The following TBX18 variants were observed in gnomAD, a reference collection of about 807,000 sequenced individuals.
The protein encoded by TBX18 is T-box transcription factor 18.
In TBX18, 21 loss-of-function variants were observed where a neutral mutation model predicts 55.0. The ratio of observed to expected loss-of-function variants is 0.38; its 90% CI spans 0.27 to 0.55. The LOEUF (loss-of-function observed/expected upper bound fraction) is 0.55. Ranked by LOEUF, TBX18 falls within the 20% of genes least tolerant of loss-of-function variation. TBX18 has a pLI of 0.73. For missense variants in TBX18, 840 were observed against 799.6 expected (o/e 1.05, Z -0.61); for synonymous variants, 342 against 326.1 (o/e 1.05, Z -0.53).
Position 84,736,497 on chromosome 6 carries a change from T to C in TBX18, c.*188A>G. ...CGTGATACTCCATGTGCTATGTATA[T>C]ACAGCATACATATATACCATAGATA... is the stretch of plus-strand genomic sequence containing the variant. On this transcript the variant is annotated 3_prime_UTR_variant, in exon 8 of 8. Transcript: ENST00000369663. 3.6e-6 allele frequency: 2 copies of C among 550,208 alleles called. No individual in the cohort carries two copies. Among genetic ancestry groups the C allele is most frequent in the Non-Finnish European group, 2.9e-6 (1 of 344,176 alleles). The allele number at this position is 550,208 out of a possible 1,614,324, so 34.1% of individuals were successfully genotyped here. A position where few individuals can be genotyped will look rare whatever the true frequency, so the allele number is the denominator to read the frequency against.
chr6:84,737,877 T>G (rs1054134429), intron 7 of TBX18, among the ~76,000 whole-genome samples: 4 of 152,164 alleles, frequency 2.6e-5, no homozygotes, highest in Non-Finnish European at 4.4e-5. Flanking sequence ...AATAATTATC[T>G]GAAACCCAGC....
Position 84,760,347 on chromosome 6 carries a change from A to T in TBX18, c.507T>A (p.Phe169Leu). The T allele has an allele frequency of 6.2e-7, 1 of 1,600,314 alleles. No individual in the cohort carries two copies. The highest frequency in any genetic ancestry group is 8.5e-7 in the Non-Finnish European group (1 of 1,171,960). Residue 169 changes from phenylalanine (F) to leucine (L), a missense_variant, in exon 3 of 8, where the codon TTT becomes TTA. By Grantham distance (22) the Phe-to-Leu change is conservative. Coordinates refer to ENST00000369663, the MANE Select transcript of TBX18 (RefSeq NM_001080508.3). ...CAGAGATCTTCACTCTCATTGCTGGAAACATGCGCCTATTTAAAAAGGCGA... is the reference window on the plus strand; with the variant it reads ...CAGAGATCTTCACTCTCATTGCTGGTAACATGCGCCTATTTAAAAAGGCGA... ...MIITKAGRRM[F>L]PAMRVKISGL...
chr6:84,756,561 T>C, intron 4 of TBX18, 137 bp downstream of exon 4: 1 of 796,288 alleles, frequency 1.3e-6, no homozygotes, highest in Non-Finnish European at 1.9e-6. Flanking sequence ...ATAAACTTGA[T>C]TCTGCAAAGA....
chr6:84,760,326 G>A lies in TBX18; in HGVS notation c.528C>T (p.Ile176=), dbSNP rs1471932341. The change falls in exon 3 of 8, where the codon ATC becomes ATT. Residue 176 remains isoleucine (I), a synonymous_variant. Coordinates refer to ENST00000369663, the MANE Select transcript of TBX18 (RefSeq NM_001080508.3). ...RRMFPAMRVK[I]SGLDPHQQYY... ...ATTGCTGGTGAGGATCTAATCCAGA[G>A]ATCTTCACTCTCATTGCTGGAAACA... The A allele has an allele frequency of 1.9e-6, 3 of 1,605,984 alleles. No homozygotes were observed. The highest frequency in any genetic ancestry group is 1.7e-5 in the Admixed American group (1 of 59,378).
intron 4 of TBX18, among the ~76,000 whole-genome samples, chr6:84,753,816 T>C (rs1767415800): frequency 6.6e-6 from 1 of 152,238 alleles, no homozygotes; most frequent in Non-Finnish European, 1.5e-5. Flanking sequence ...TGGAATACGG[T>C]GACACTGGCA....
intron 4 of TBX18, among the ~76,000 whole-genome samples, chr6:84,756,473 A>G (rs1267626411): frequency 6.6e-6 from 1 of 152,246 alleles, no homozygotes; most frequent in Non-Finnish European, 1.5e-5. Flanking sequence ...TTTCAGTCCA[A>G]TAAAAATGCA....
intron 2 of TBX18, among the ~76,000 whole-genome samples, 170 bp downstream of exon 2, chr6:84,762,374 G>A (rs1452961892): frequency 6.6e-6 from 1 of 152,208 alleles, no homozygotes; most frequent in African/African-American, 2.4e-5. Context: ...GTGGTGGGTA[G>A]CCAAAGCTAG....
intron 5 of TBX18, among the ~76,000 whole-genome samples, chr6:84,746,453 T>C (rs946743609): frequency 6.8e-6 from 1 of 147,100 alleles, no homozygotes; most frequent in Non-Finnish European, 1.5e-5. Flanking sequence ...TAATATTTCG[T>C]ATATTATATA....
intron 7 of TBX18, among the ~76,000 whole-genome samples, chr6:84,737,676 C>A (rs1394139839): frequency 2.6e-5 from 4 of 152,158 alleles, no homozygotes; most frequent in Admixed American, 2.6e-4. Flanking sequence ...GGGTAGTTAA[C>A]CCTGTGTCCA....
chr6:84,760,167 A>C, intron 3 of TBX18, 88 bp downstream of exon 3: 1 of 745,970 alleles, frequency 1.3e-6, no homozygotes, highest in Non-Finnish European at 1.9e-6. Flanking sequence ...CTGGAAGCAA[A>C]GATCACAGTC....
chr6:84,733,453 G>C lies in TBX18; in HGVS notation c.*3232C>G, dbSNP rs1313845527. On this transcript the variant is annotated 3_prime_UTR_variant, in exon 8 of 8. Coordinates refer to ENST00000369663, the MANE Select transcript of TBX18 (RefSeq NM_001080508.3). Reference sequence around the variant, plus strand: ...ATTTCTCATGAGGAAATAACACTGTGTTACACTTTGCAACAAAGGAATCTT... The same window carrying C: ...ATTTCTCATGAGGAAATAACACTGTCTTACACTTTGCAACAAAGGAATCTT... 1 of 152,168 alleles carries C rather than the reference G, an allele frequency of 6.6e-6. No homozygotes were observed. The highest frequency in any genetic ancestry group is 1.5e-5 in the Non-Finnish European group (1 of 68,038). The allele number at this position is 152,168 out of a possible 1,614,324, so 9.4% of individuals were successfully genotyped here.
rs1773928387 is a variant in TBX18 at position 84,735,998 on chromosome 6, T to C, written c.*687A>G. ...TCTCTACAGATGAATAAGAACCTCT[T>C]ATGTGCCCAATGGAAAGTGTAAAAA... On this transcript the variant is annotated 3_prime_UTR_variant, in exon 8 of 8. Coordinates refer to ENST00000369663, the MANE Select transcript of TBX18 (RefSeq NM_001080508.3). 2 of 152,162 alleles carry C rather than the reference T, an allele frequency of 1.3e-5. No individual in the cohort carries two copies. Among genetic ancestry groups the C allele is most frequent in the East Asian group, 1.9e-4 (1 of 5,194 alleles). 9.4% of individuals were successfully genotyped at this position (152,162 alleles called of 1,614,324 possible).
chr6:84,763,203 G>C (rs1176897605), intron 1 of TBX18: 4 of 360,444 alleles, frequency 1.1e-5, no homozygotes, highest in Non-Finnish European at 2.2e-5. Context: ...CAAGAGCCTG[G>C]GCCTCCTTAA....
intron 5 of TBX18, among the ~76,000 whole-genome samples, chr6:84,746,794 C>G (rs931811686): frequency 1.0e-4 from 15 of 149,714 alleles, no homozygotes; most frequent in Non-Finnish European, 2.2e-4. Flanking sequence ...TAGCATGGTC[C>G]TATATTATAT....
chr6:84,763,486 G>C, intron 1 of TBX18: 1 of 476,470 alleles, frequency 2.1e-6, no homozygotes, highest in East Asian at 6.4e-5. Flanking sequence ...ACGGTTTAGG[G>C]CATTCGTTCC....
At chr6:84,750,108 ACT>A (rs1767304394) in intron 4 of TBX18, among the ~76,000 whole-genome samples, 1 of 152,156 alleles carries the variant, frequency 6.6e-6, no homozygotes, top group East Asian at 1.9e-4. Flanking sequence ...ACATGGTGAA[ACT>A]CTGTCTCTAC....
chr6:84,750,052 G>C (rs1485448308), intron 4 of TBX18, among the ~76,000 whole-genome samples: 1 of 152,054 alleles, frequency 6.6e-6, no homozygotes, highest in South Asian at 2.1e-4. Context: ...TTGGGAGGCC[G>C]AGGTGGGTGG....
Position 84,764,152 on chromosome 6 carries a change from G to A in TBX18, c.30C>T (p.Cys10=). 6.5e-7 allele frequency: 1 copy of A among 1,540,142 alleles called. No individual in the cohort carries two copies. Among genetic ancestry groups the A allele is most frequent in the Non-Finnish European group, 8.7e-7 (1 of 1,153,428 alleles). Residue 10 remains cysteine (C), a synonymous_variant, in exon 1 of 8, where the codon TGC becomes TGT. Transcript: ENST00000369663. MAEKRRGSP[C]SMLSLKAHAF... ...CGTGCGCCTTGAGGCTTAGCATGCT[G>A]CACGGCGAGCCCCTTCGCTTCTCGG...
intron 4 of TBX18, among the ~76,000 whole-genome samples, chr6:84,750,098 AC>A (rs1214972092): frequency 6.6e-6 from 1 of 152,148 alleles, no homozygotes; most frequent in Non-Finnish European, 1.5e-5. Context: ...ATCCTGGCCA[AC>A]ATGGTGAAAC....
Sources: allele counts gnomAD v4.1 joint callset (sites outside exome capture counted in the v4.1 genomes callset), GRCh38; gene constraint gnomAD v4.1.1; transcripts MANE v1.5; gene names NCBI Gene and HGNC (gene_info 2026-07-23, HGNC 2026-07-21).